ARIH1: variants seen among roughly 807,000 people sequenced by gnomAD.
ARIH1 encodes E3 ubiquitin-protein ligase ARIH1.
Under a neutral mutation model 85.0 loss-of-function variants are expected in ARIH1, and 8 were observed. The observed-to-expected ratio is 0.09, with a 90% CI of 0.06 to 0.17. The LOEUF is 0.17. Ranked by LOEUF, ARIH1 falls within the 10% of genes least tolerant of loss-of-function variation. The probability of loss-of-function intolerance (pLI) is 1.00; values close to 1 mark genes in which losing one functional copy is unlikely to be tolerated. For synonymous variants in ARIH1, 238 were observed against 253.6 expected (o/e 0.94, Z 0.59); for missense variants, 311 against 718.1 (o/e 0.43, Z 6.48).
At chr15:72,487,851 T>A (rs2063843390) in intron 1 of ARIH1, among the ~76,000 whole-genome samples, 1 of 152,230 alleles carries the variant, frequency 6.6e-6, no homozygotes, top group African/African-American at 2.4e-5. Context: ...GACTCCTTAC[T>A]ATGGCATTCA....
At chr15:72,534,675 C>G (rs1387096066) in intron 2 of ARIH1, among the ~76,000 whole-genome samples, 2 of 151,258 alleles carry the variant, frequency 1.3e-5, no homozygotes, top group Non-Finnish European at 2.9e-5. Flanking sequence ...CTTACTTGAG[C>G]AACCTCTGCT....
intron 1 of ARIH1, among the ~76,000 whole-genome samples, chr15:72,486,833 A>G (rs953284878): frequency 6.7e-6 from 1 of 149,612 alleles, no homozygotes; most frequent in Non-Finnish European, 1.5e-5. Context: ...AGCTGAGATT[A>G]CAGGCATGCA....
At chr15:72,490,053 C>T (rs910031266) in intron 1 of ARIH1, among the ~76,000 whole-genome samples, 4 of 151,632 alleles carry the variant, frequency 2.6e-5, no homozygotes, top group East Asian at 1.9e-4. Flanking sequence ...GAATGTAATA[C>T]GTATAGTCAC....
intron 1 of ARIH1, among the ~76,000 whole-genome samples, chr15:72,517,672 C>T (rs1381916059): frequency 6.6e-6 from 1 of 152,132 alleles, no homozygotes; most frequent in Admixed American, 6.5e-5. Flanking sequence ...AGTCAGCCTG[C>T]CTTGGCCTCT....
At chr15:72,579,851 G>A (rs1471960506) in intron 11 of ARIH1, among the ~76,000 whole-genome samples, 1 of 152,064 alleles carries the variant, frequency 6.6e-6, no homozygotes, top group Non-Finnish European at 1.5e-5. Context: ...ACACATTTAT[G>A]GAGTACAGTG....
At chr15:72,555,138 G>A (rs906809582) in intron 3 of ARIH1, 133 bp from the exon 4 acceptor site, 1 of 623,736 alleles carries the variant, frequency 1.6e-6, no homozygotes, top group Admixed American at 3.0e-5. Flanking sequence ...TTCATTTTAG[G>A]AGCCCATCTA....
chr15:72,597,040 C>T lies in ARIH1; in HGVS notation c.*13748C>T, dbSNP rs1011166105. On this transcript the variant is annotated 3_prime_UTR_variant, in exon 14 of 14. Coordinates refer to ENST00000379887, the MANE Select transcript of ARIH1 (RefSeq NM_005744.5). ...TCTGCTTCTATTGAGCCCTTCCTCT[C>T]CCTTACCATGAATCTTATTTTCTTG... 3 of 152,012 alleles carry T rather than the reference C, an allele frequency of 2.0e-5. No individual in the cohort carries two copies. The highest frequency in any genetic ancestry group is 7.2e-5 in the African/African-American group (3 of 41,394). 9.4% of individuals were successfully genotyped at this position (152,012 alleles called of 1,614,324 possible).
chr15:72,566,283 C>G, intron 7 of ARIH1: 1 of 394,074 alleles, frequency 2.5e-6, no homozygotes, highest in Admixed American at 4.6e-5. Context: ...TCAATATAGT[C>G]TGAGGCACCT....
chr15:72,489,247 CAAA>C (rs3028452), intron 1 of ARIH1, among the ~76,000 whole-genome samples: 24 of 84,100 alleles, frequency 2.9e-4, no homozygotes, highest in African/African-American at 1.0e-3. Flanking sequence ...GACCATGTCT[CAAA>C]AAAAAAAAAA....
In ARIH1 at chr15:72,602,908, A is replaced by G. The variant is rs1234856142; in HGVS notation, c.*19616A>G. 2 of 152,118 alleles carry G rather than the reference A, an allele frequency of 1.3e-5. No homozygotes were observed. Among genetic ancestry groups the G allele is most frequent in the African/African-American group, 4.8e-5 (2 of 41,402 alleles). 9.4% of individuals were successfully genotyped at this position (152,118 alleles called of 1,614,324 possible). On this transcript the variant is annotated 3_prime_UTR_variant, in exon 14 of 14. Transcript: ENST00000379887. ...TACTGTTTTCTGTACCTCACTACGG[A>G]TGTATTTTGCTGCTTGGCTCCCCGT...
intron 11 of ARIH1, 76 bp from the exon 12 acceptor site, chr15:72,580,655 T>C: frequency 7.2e-7 from 1 of 1,386,754 alleles, no homozygotes; most frequent in Admixed American, 2.3e-5. Context: ...TTCATTATGG[T>C]TTTAATTTGA....
At chr15:72,560,016 C>T (rs2064191157) in intron 5 of ARIH1, among the ~76,000 whole-genome samples, 1 of 152,116 alleles carries the variant, frequency 6.6e-6, no homozygotes, top group Admixed American at 6.5e-5. Context: ...AAGGAGAATT[C>T]CTGGGTCTTG....
At chr15:72,505,058 G>C (rs1192907995) in intron 1 of ARIH1, among the ~76,000 whole-genome samples, 1 of 152,148 alleles carries the variant, frequency 6.6e-6, no homozygotes, top group Non-Finnish European at 1.5e-5. Context: ...AATTTAACCA[G>C]CTCTCAAGAG....
intron 3 of ARIH1, among the ~76,000 whole-genome samples, chr15:72,546,676 T>C (rs1415836804): frequency 5.3e-5 from 8 of 151,400 alleles, no homozygotes; most frequent in Admixed American, 5.3e-4. Flanking sequence ...TGTGTGTGTT[T>C]TGTTTGTTTT....
In ARIH1 at chr15:72,585,207, C is replaced by G. The variant is rs1211822315; in HGVS notation, c.*1915C>G. The G allele has an allele frequency of 2.0e-5, 3 of 152,110 alleles. No homozygotes were observed. Among genetic ancestry groups the G allele is most frequent in the Non-Finnish European group, 4.4e-5 (3 of 68,016 alleles). The allele number at this position is 152,110 out of a possible 1,614,324, so 9.4% of individuals were successfully genotyped here. A position where few individuals can be genotyped will look rare whatever the true frequency, so the allele number is the denominator to read the frequency against. On this transcript the variant is annotated 3_prime_UTR_variant, in exon 14 of 14. Coordinates refer to ENST00000379887, the MANE Select transcript of ARIH1 (RefSeq NM_005744.5). ...TGTTTGCTGAGTATAAATGCTGCTTCCTTAAACCACTTGTCGCTTTAGGAT... is the reference window on the plus strand; with the variant it reads ...TGTTTGCTGAGTATAAATGCTGCTTGCTTAAACCACTTGTCGCTTTAGGAT...
chr15:72,501,697 A>G (rs956385689), intron 1 of ARIH1, among the ~76,000 whole-genome samples: 1 of 152,240 alleles, frequency 6.6e-6, no homozygotes, highest in African/African-American at 2.4e-5. Context: ...AGAAGTGAGT[A>G]TGTGAACAAA....
chr15:72,570,358 G>A (rs201522630), intron 10 of ARIH1, 51 bp downstream of exon 10: 218 of 1,604,840 alleles, frequency 1.4e-4, no homozygotes, highest in Middle Eastern at 3.3e-4. Flanking sequence ...TATGTGCCAT[G>A]TATTATGAAT....
chr15:72,576,505 C>CAA (rs35725065), intron 11 of ARIH1, among the ~76,000 whole-genome samples: 125 of 63,186 alleles, frequency 2.0e-3, no homozygotes, highest in African/African-American at 4.3e-3. Flanking sequence ...GACTCTGTCT[C>CAA]AAAAAAAAAA....
intron 3 of ARIH1, among the ~76,000 whole-genome samples, chr15:72,552,680 C>T (rs774635445): frequency 4.0e-5 from 6 of 151,598 alleles, no homozygotes; most frequent in East Asian, 1.9e-4. Context: ...TAAGTGTGTA[C>T]GTTAGAACAC....
Sources: gnomAD v4.1 joint callset for allele counts (sites outside exome capture counted in the v4.1 genomes callset) on GRCh38, gnomAD v4.1.1 for gene constraint, MANE v1.5 for transcripts, NCBI Gene and HGNC (gene_info 2026-07-23, HGNC 2026-07-21) for gene names.